The following CHP1 variants were observed in gnomAD, a reference collection of about 807,000 sequenced individuals.
The protein encoded by CHP1 is calcineurin B homologous protein 1.
CHP1 carries 11 observed loss-of-function variants against 27.4 expected under a neutral mutation model. The observed-to-expected ratio is 0.40, with a 90% CI of 0.25 to 0.67. CHP1 has a LOEUF of 0.67. CHP1 is among the 30% of genes least tolerant of loss of function. The probability of loss-of-function intolerance (pLI) is 0.38; values close to 1 mark genes in which losing one functional copy is unlikely to be tolerated. For missense variants in CHP1, 169 were observed against 251.3 expected (o/e 0.67, Z 2.22); for synonymous variants, 89 against 87.4 (o/e 1.02, Z -0.10).
Position 41,279,442 on chromosome 15 carries a change from G to T in CHP1, c.*53G>T, listed in dbSNP as rs901490237. ...AGTATTTAAGAACTGGAACTTGAAA[G>T]TCCTCCTTCTACCAACTCCACCTCC... is the stretch of plus-strand genomic sequence containing the variant. On this transcript the variant is annotated 3_prime_UTR_variant, in exon 7 of 7. Coordinates refer to ENST00000334660, the MANE Select transcript of CHP1 (RefSeq NM_007236.5). The T allele has an allele frequency of 6.7e-7, 1 of 1,495,014 alleles. No individual in the cohort carries two copies. The highest frequency in any genetic ancestry group is 9.3e-7 in the Non-Finnish European group (1 of 1,075,250). The allele number at this position is 1,495,014 out of a possible 1,614,324, so 92.6% of individuals were successfully genotyped here.
At chr15:41,274,324 TG>T (rs1397790054) in intron 5 of CHP1, among the ~76,000 whole-genome samples, 3 of 152,186 alleles carry the variant, frequency 2.0e-5, no homozygotes, top group African/African-American at 7.2e-5. Context: ...GAGCTGGGAA[TG>T]GAGGCCTGGG....
intron 1 of CHP1, among the ~76,000 whole-genome samples, chr15:41,242,311 G>A (rs2140924592): frequency 6.6e-6 from 1 of 152,226 alleles, no homozygotes; most frequent in South Asian, 2.1e-4. Context: ...GTAAACCAGA[G>A]TTTTAAAATA....
intron 1 of CHP1, among the ~76,000 whole-genome samples, chr15:41,239,855 C>A (rs2047297134): frequency 6.6e-6 from 1 of 152,082 alleles, no homozygotes; most frequent in Non-Finnish European, 1.5e-5. Context: ...CAGCTCACTG[C>A]AAGCTCCGCC....
intron 1 of CHP1, among the ~76,000 whole-genome samples, chr15:41,242,318 A>C (rs538362442): frequency 6.6e-6 from 1 of 152,198 alleles, no homozygotes; most frequent in Non-Finnish European, 1.5e-5. Flanking sequence ...AGAGTTTTAA[A>C]ATAGAATCTG....
intron 3 of CHP1, among the ~76,000 whole-genome samples, chr15:41,262,417 G>A (rs2047438280): frequency 6.6e-6 from 1 of 152,104 alleles, no homozygotes; most frequent in Non-Finnish European, 1.5e-5. Context: ...ATGAGTTCAA[G>A]TTCTGGCTGT....
intron 5 of CHP1, among the ~76,000 whole-genome samples, chr15:41,276,258 T>C (rs1372436526): frequency 6.8e-6 from 1 of 147,202 alleles, no homozygotes; most frequent in African/African-American, 2.5e-5. Flanking sequence ...AAAAAAAGAA[T>C]CTATTTCATG....
At chr15:41,254,883 A>G (rs1272151124) in intron 2 of CHP1, among the ~76,000 whole-genome samples, 1 of 152,236 alleles carries the variant, frequency 6.6e-6, no homozygotes, top group African/African-American at 2.4e-5. Flanking sequence ...CTGTAAGTAA[A>G]CTTCTTGAAG....
intron 3 of CHP1, among the ~76,000 whole-genome samples, chr15:41,262,365 G>T (rs1031895985): frequency 5.3e-5 from 8 of 152,194 alleles, no homozygotes; most frequent in Middle Eastern, 3.4e-3. Context: ...GGTGGCTGAG[G>T]AGTCATTGGG....
At chr15:41,270,368 C>G (rs969877528) in intron 4 of CHP1, among the ~76,000 whole-genome samples, 189 bp from the exon 5 acceptor site, 3 of 152,118 alleles carry the variant, frequency 2.0e-5, no homozygotes, top group Non-Finnish European at 4.4e-5. Flanking sequence ...TTCATCTAAT[C>G]TAAGAACTCA....
Position 41,247,711 on chromosome 15 carries a change from G to A in CHP1, c.140+3972G>A, listed in dbSNP as rs181422649. Among the ~76,000 whole-genome samples the A allele has an allele frequency of 5.4e-3, 791 of 145,686 alleles. 3 individuals are homozygous for A. Among genetic ancestry groups the A allele is most frequent in the Middle Eastern group, 9.2e-3 (2 of 218 alleles). On this transcript the variant is annotated intron_variant, in intron 2 of 6. Coordinates refer to ENST00000334660, the MANE Select transcript of CHP1 (RefSeq NM_007236.5). ...AATAGGGCCGGGCGCGGTGGTTCACGCCTGTAATCCCAGCACTTTGGGAGG... is the reference window on the plus strand; with the variant it reads ...AATAGGGCCGGGCGCGGTGGTTCACACCTGTAATCCCAGCACTTTGGGAGG...
intron 5 of CHP1, among the ~76,000 whole-genome samples, chr15:41,273,531 G>T (rs1421583093): frequency 6.6e-6 from 1 of 151,990 alleles, no homozygotes; most frequent in South Asian, 2.1e-4. Context: ...ATAGGCATGC[G>T]CCACCACACA....
intron 3 of CHP1, among the ~76,000 whole-genome samples, chr15:41,259,713 A>G (rs2047422480): frequency 6.6e-6 from 1 of 152,158 alleles, no homozygotes; most frequent in African/African-American, 2.4e-5. Flanking sequence ...GTCCATTAGC[A>G]GTATAGATAC....
chr15:41,250,839 T>C (rs192521992), intron 2 of CHP1, among the ~76,000 whole-genome samples: 512 of 151,126 alleles, frequency 3.4e-3, no homozygotes, highest in East Asian at 9.8e-3. Context: ...TTCTTTCTTT[T>C]TTTTTTTTTG....
At chr15:41,264,315 C>A in intron 4 of CHP1, 1 of 669,048 alleles carries the variant, frequency 1.5e-6, no homozygotes, top group South Asian at 2.1e-5. Flanking sequence ...TAATGAGATT[C>A]CCCTCCTGAT....
chr15:41,274,017 A>G (rs149740774), intron 5 of CHP1, among the ~76,000 whole-genome samples: 5,191 of 150,836 alleles, frequency 0.034, 199 homozygotes, highest in African/African-American at 0.097. Context: ...CTGGAGTGCA[A>G]TGGCGCGATC....
chr15:41,243,423 A>G (rs1035118460), intron 1 of CHP1, among the ~76,000 whole-genome samples: 16 of 152,250 alleles, frequency 1.1e-4, no homozygotes, highest in Admixed American at 3.3e-4. Flanking sequence ...ACCATCTAAT[A>G]TTCATCACAG....
chr15:41,243,857 G>C (rs528601003), intron 2 of CHP1, 118 bp downstream of exon 2: 20 of 780,244 alleles, frequency 2.6e-5, no homozygotes, highest in Non-Finnish European at 3.8e-5. Flanking sequence ...AGATAGCAAG[G>C]ACCATTTCTC....
At chr15:41,266,583 G>A (rs2047461915) in intron 4 of CHP1, among the ~76,000 whole-genome samples, 1 of 152,164 alleles carries the variant, frequency 6.6e-6, no homozygotes, top group Non-Finnish European at 1.5e-5. Context: ...AGAGTAGCCA[G>A]GAAGAAATAG....
intron 2 of CHP1, among the ~76,000 whole-genome samples, chr15:41,254,039 C>T (rs773356290): frequency 6.6e-6 from 1 of 151,898 alleles, no homozygotes; most frequent in Admixed American, 6.6e-5. Context: ...AGCAGTTCTT[C>T]CACCTTGGCC....
Sources: gnomAD v4.1 joint callset for allele counts (sites outside exome capture counted in the v4.1 genomes callset) on GRCh38, gnomAD v4.1.1 for gene constraint, MANE v1.5 for transcripts, NCBI Gene and HGNC (gene_info 2026-07-23, HGNC 2026-07-21) for gene names.